Variants in CDH23 observed in about 807,000 individuals in gnomAD.
CDH23 encodes the protein cadherin related 23.
CDH23 carries 189 observed loss-of-function variants against 317.1 expected under a neutral mutation model. That is an observed-to-expected ratio of 0.60 (90% CI 0.53 to 0.67). CDH23 has a LOEUF of 0.67. Among genes scored for constraint, CDH23 ranks in the 30% least tolerant of loss-of-function variants. The pLI is 0.00. For synonymous variants in CDH23, 1,839 were observed against 1,876.8 expected, an observed-to-expected ratio of 0.98 and a Z score of 0.52; for missense variants, 4,401 against 4,592.4, an observed-to-expected ratio of 0.96 and a Z score of 1.20.
At chr10:71,560,595 C>T (rs981775775) in intron 6 of CDH23, among the ~76,000 whole-genome samples, 1 of 152,174 alleles carries the variant, frequency 6.6e-6, no homozygotes, top group Non-Finnish European at 1.5e-5. Flanking sequence ...GGCTTCATTT[C>T]TCTGACCTTC....
At chr10:71,742,155 A>C in intron 38 of CDH23, 1 of 564,778 alleles carries the variant, frequency 1.8e-6, no homozygotes, top group Non-Finnish European at 3.2e-6. Flanking sequence ...GCTACTCAGA[A>C]GCTCTGTTTA....
At chr10:71,525,527 C>G (rs1245907675) in intron 6 of CDH23, among the ~76,000 whole-genome samples, 2 of 152,170 alleles carry the variant, frequency 1.3e-5, no homozygotes, top group Non-Finnish European at 2.9e-5. Flanking sequence ...GCAGAGCATC[C>G]AGGACTAGGG....
intron 18 of CDH23, among the ~76,000 whole-genome samples, chr10:71,683,382 A>T (rs1415519622): frequency 2.6e-5 from 4 of 152,212 alleles, no homozygotes; most frequent in Non-Finnish European, 4.4e-5. Context: ...GGAAAATCTC[A>T]CCCTGGAGCA....
chr10:71,461,630 T>A (rs1454647467), intron 3 of CDH23, among the ~76,000 whole-genome samples: 2 of 152,200 alleles, frequency 1.3e-5, no homozygotes, highest in African/African-American at 4.8e-5. Flanking sequence ...CCATGCACGG[T>A]CCATCACCTC....
chr10:71,806,031 T>TTG, intron 56 of CDH23, 34 bp downstream of exon 56: 2 of 468,388 alleles, frequency 4.3e-6, no homozygotes, highest in Non-Finnish European at 7.1e-6. Flanking sequence ...GGGCGGGGTC[T>TTG]GGGGCGGGGC....
intron 6 of CDH23, among the ~76,000 whole-genome samples, chr10:71,555,670 A>T (rs16929045): frequency 0.18 from 27,193 of 152,176 alleles, 3,166 homozygotes; most frequent in East Asian, 0.51. Flanking sequence ...ACTGTCATTC[A>T]TTCTACAGGA....
intron 34 of CDH23, among the ~76,000 whole-genome samples, chr10:71,737,434 A>G (rs1839597200): frequency 1.3e-5 from 2 of 152,258 alleles, no homozygotes; most frequent in Non-Finnish European, 2.9e-5. Context: ...TCACTCTCCT[A>G]TACTTCTGAG....
intron 1 of CDH23, among the ~76,000 whole-genome samples, chr10:71,421,070 T>G (rs953644635): frequency 2.6e-5 from 4 of 152,240 alleles, no homozygotes; most frequent in African/African-American, 9.6e-5. Flanking sequence ...CTCTCCAGAC[T>G]TCAGAGGTCT....
chr10:71,572,973 CCAGAGGAGCT>C (rs1857920522), intron 8 of CDH23, among the ~76,000 whole-genome samples: 1 of 152,114 alleles, frequency 6.6e-6, no homozygotes, highest in Admixed American at 6.5e-5. Flanking sequence ...GGCTGGGCAG[CCAGAGGAGCT>C]CAGAGGAGTC....
In CDH23 at chr10:71,403,438, TTCC is replaced by T. The variant is rs1208947689; in HGVS notation, c.-6+6122_-6+6124del. Among the ~76,000 whole-genome samples the T allele has an allele frequency of 1.4e-4, 11 of 77,200 alleles. 1 individual carries two copies. The highest frequency in any genetic ancestry group is 9.1e-4 in the South Asian group (2 of 2,188). 50.6% of individuals were successfully genotyped at this position (77,200 alleles called of 152,430 possible). On this transcript the variant is annotated intron_variant, in intron 1 of 69. Coordinates refer to ENST00000224721, the MANE Select transcript of CDH23 (RefSeq NM_022124.6). ...CTTCCTTCCTTCCTTCCTTCCTTCC[TTCC>T]TTCCTTCCTTCCTTTCCTTCCTTCC...
intron 6 of CDH23, among the ~76,000 whole-genome samples, chr10:71,546,063 G>A (rs2132300281): frequency 6.6e-6 from 1 of 152,220 alleles, no homozygotes; most frequent in East Asian, 1.9e-4. Context: ...TGGTCTTGCA[G>A]CCTCATTTCC....
rs1841237769 is a variant in CDH23 at position 71,791,087 on chromosome 10, A to C, written c.6050-45A>C. The C allele has an allele frequency of 2.0e-6, 3 of 1,503,794 alleles. No individual in the cohort carries two copies. The East Asian group carries it at 7.2e-5, about 36-fold the overall frequency. 93.2% of individuals were successfully genotyped at this position (1,503,794 alleles called of 1,614,324 possible). On this transcript the variant is annotated intron_variant, in intron 46 of 69. Transcript: ENST00000224721. ...GGTTCTTGCCCTGTCTTCCCACCGC[A>C]CCCCTTTTCTGTGTGTTTCCCTGGC...
At chr10:71,628,460 A>G (rs10740384) in intron 11 of CDH23, among the ~76,000 whole-genome samples, 110,608 of 152,128 alleles carry the variant, frequency 0.73, 41,451 homozygotes, top group South Asian at 0.89. Context: ...CAGTTTCTCC[A>G]TCTGTTAAAA....
chr10:71,694,409 GT>G, intron 21 of CDH23, 150 bp downstream of exon 21: 2 of 629,902 alleles, frequency 3.2e-6, no homozygotes, highest in Non-Finnish European at 5.6e-6. Context: ...AGCAGCAGAG[GT>G]CAGCCCCCGG....
chr10:71,517,696 G>T (rs1284840482), intron 6 of CDH23, among the ~76,000 whole-genome samples: 1 of 152,210 alleles, frequency 6.6e-6, no homozygotes, highest in African/African-American at 2.4e-5. Context: ...ATACCTTGGG[G>T]CCACGGGCCT....
In CDH23 at chr10:71,627,098, G is replaced by C. The variant is rs183218727; in HGVS notation, c.1134+9705G>C. ...CAGTGTCCACACAGCTGGTACCTGG[G>C]ATTCCTGGGGCCCCGGTGAGCACCT... is the stretch of plus-strand genomic sequence containing the variant. On this transcript the variant is annotated intron_variant, in intron 11 of 69. Coordinates refer to ENST00000224721, the MANE Select transcript of CDH23 (RefSeq NM_022124.6). 7.2e-5 allele frequency among the ~76,000 whole-genome samples: 11 copies of C among 152,296 alleles called. No individual in the cohort carries two copies. The East Asian group carries it at 2.1e-3, about 29-fold the overall frequency.
At chr10:71,550,358 C>G (rs2132311546) in intron 6 of CDH23, among the ~76,000 whole-genome samples, 1 of 152,032 alleles carries the variant, frequency 6.6e-6, no homozygotes, top group South Asian at 2.1e-4. Context: ...TTGAGACCAG[C>G]CTGGGCAACA....
chr10:71,809,167 CTTTTTT>C (rs61078259), intron 60 of CDH23, among the ~76,000 whole-genome samples: 13 of 68,842 alleles, frequency 1.9e-4, no homozygotes, highest in Non-Finnish European at 2.5e-4. Context: ...TTTCTTTTTC[CTTTTTT>C]TTTTTTTTTT....
intron 1 of CDH23, among the ~76,000 whole-genome samples, chr10:71,417,406 T>C (rs997234147): frequency 1.3e-5 from 2 of 152,208 alleles, no homozygotes; most frequent in Admixed American, 1.3e-4. Flanking sequence ...GTTATACTTT[T>C]ATTTATCCTA....
Sources: allele counts gnomAD v4.1 joint callset (sites outside exome capture counted in the v4.1 genomes callset), GRCh38; gene constraint gnomAD v4.1.1; transcripts MANE v1.5; gene names NCBI Gene and HGNC (gene_info 2026-07-23, HGNC 2026-07-21).